Variants in GPHN observed in about 807,000 individuals in gnomAD.
GPHN encodes the protein gephyrin.
In GPHN, 17 loss-of-function variants were observed where a neutral mutation model predicts 95.5. That is an observed-to-expected ratio of 0.18 (90% confidence interval 0.12 to 0.27). The LOEUF (loss-of-function observed/expected upper bound fraction) is 0.27, where lower values mean the gene tolerates loss of function less well. GPHN is among the 10% of genes least tolerant of loss of function. The pLI is 1.00. For missense variants in GPHN, 660 were observed against 978.1 expected (o/e 0.67, Z 4.34); for synonymous variants, 320 against 322.5 (o/e 0.99, Z 0.08).
chr14:67,373,375 G>T, the GPHN span, among the ~76,000 whole-genome samples: 1 of 152,106 alleles, frequency 6.6e-6, no homozygotes, highest in Non-Finnish European at 1.5e-5. Flanking sequence ...AATAAAATCA[G>T]TGTATATGAA....
chr14:67,069,480 C>G (rs2153655941), intron 11 of GPHN, among the ~76,000 whole-genome samples: 1 of 152,326 alleles, frequency 6.6e-6, no homozygotes, highest in East Asian at 1.9e-4. Flanking sequence ...GAGACGGGAA[C>G]ATGTGCCTAT....
the GPHN span, among the ~76,000 whole-genome samples, chr14:67,531,744 AT>A: frequency 0.092 from 12,093 of 131,032 alleles, 445 homozygotes; most frequent in Middle Eastern, 0.13. Flanking sequence ...AAAAAAAAAA[AT>A]TTTTTTTTTT....
chr14:66,926,878 C>T (rs183622727), intron 8 of GPHN, among the ~76,000 whole-genome samples: 5 of 152,240 alleles, frequency 3.3e-5, no homozygotes, highest in East Asian at 3.9e-4. Context: ...TCCATGAATA[C>T]GGAATGTCTT....
the GPHN span, among the ~76,000 whole-genome samples, chr14:67,625,521 CA>C: frequency 1.4e-4 from 21 of 149,962 alleles, no homozygotes; most frequent in African/African-American, 3.2e-4. Context: ...ACTAAAAATA[CA>C]AAAAAAAATT....
chr14:67,691,296 T>C, the GPHN span: 1 of 1,290,344 alleles, frequency 7.7e-7, no homozygotes, highest in Non-Finnish European at 1.1e-6. Flanking sequence ...GGCTATTACA[T>C]CTTAGAAAGC....
the GPHN span, among the ~76,000 whole-genome samples, chr14:67,261,813 C>A: frequency 6.6e-6 from 1 of 151,970 alleles, no homozygotes; most frequent in Non-Finnish European, 1.5e-5. Context: ...TTACCACAAT[C>A]AGGTACTAAA....
intron 1 of GPHN, among the ~76,000 whole-genome samples, chr14:66,625,082 TTTC>T (rs933896471): frequency 5.3e-5 from 8 of 152,242 alleles, no homozygotes; most frequent in African/African-American, 1.2e-4. Flanking sequence ...TGTCTTTTTT[TTTC>T]TTCTTCTTCT....
At chr14:67,624,934 C>T in the GPHN span, among the ~76,000 whole-genome samples, 6 of 152,142 alleles carry the variant, frequency 3.9e-5, no homozygotes, top group Non-Finnish European at 5.9e-5. Context: ...CCTGGACAAC[C>T]GATAGCCTGC....
the GPHN span, chr14:67,208,081 C>T: frequency 1.4e-6 from 2 of 1,395,206 alleles, no homozygotes; most frequent in African/African-American, 2.9e-5. Context: ...CTCCTTACTA[C>T]TCCTCACGGG....
the GPHN span, chr14:67,390,609 G>T: frequency 8.2e-7 from 1 of 1,218,802 alleles, no homozygotes; most frequent in African/African-American, 1.5e-5. Context: ...CAGGAGAGGA[G>T]TGTCTGGGGG....
the GPHN span, among the ~76,000 whole-genome samples, chr14:67,416,108 C>A: frequency 2.0e-5 from 3 of 152,210 alleles, no homozygotes; most frequent in African/African-American, 4.8e-5. Context: ...CCTGCACATC[C>A]CGCACATGTA....
the GPHN span, chr14:67,662,991 C>T: frequency 7.2e-6 from 10 of 1,392,692 alleles, 1 homozygote; most frequent in South Asian, 3.5e-5. Context: ...TATGTTAACT[C>T]GTACACTACT....
At chr14:67,596,458 A>G in the GPHN span, among the ~76,000 whole-genome samples, 5 of 151,676 alleles carry the variant, frequency 3.3e-5, no homozygotes, top group African/African-American at 1.2e-4. Context: ...GATTTAGAAG[A>G]CTGGCACAGG....
At chr14:67,165,114 A>G in intron 19 of GPHN, 48 bp from the exon 20 acceptor site, 1 of 1,265,948 alleles carries the variant, frequency 7.9e-7, no homozygotes, top group Non-Finnish European at 1.2e-6. Context: ...TAATGTATTC[A>G]TCATATTGCT....
At chr14:67,112,481 C>T (rs987526855) in intron 15 of GPHN, among the ~76,000 whole-genome samples, 1 of 152,192 alleles carries the variant, frequency 6.6e-6, no homozygotes, top group African/African-American at 2.4e-5. Context: ...CTTCTCCCAT[C>T]CCTATGGCAG....
At chr14:66,971,081 C>T (rs1017826464) in intron 9 of GPHN, among the ~76,000 whole-genome samples, 16 of 152,194 alleles carry the variant, frequency 1.1e-4, no homozygotes, top group African/African-American at 3.9e-4. Flanking sequence ...GTAATCCCAT[C>T]ACTTTGGGAG....
the GPHN span, among the ~76,000 whole-genome samples, chr14:67,482,861 C>G: frequency 1.2e-4 from 19 of 152,176 alleles, no homozygotes; most frequent in Non-Finnish European, 1.9e-4. Context: ...TACTGCAGGC[C>G]TTGATGAAGT....
chr14:66,519,424 C>G (rs539562801), intron 1 of GPHN, among the ~76,000 whole-genome samples: 6 of 152,188 alleles, frequency 3.9e-5, no homozygotes, highest in South Asian at 2.1e-4. Flanking sequence ...CTGGCCCTAA[C>G]TAACCAGTGT....
intron 13 of GPHN, 22 bp downstream of exon 13, chr14:67,100,933 G>T: frequency 6.9e-7 from 1 of 1,443,416 alleles, no homozygotes; most frequent in Non-Finnish European, 9.8e-7. Flanking sequence ...AGGCCTGAAA[G>T]GCACTGAAGA....
Sources: gnomAD v4.1 joint callset for allele counts (sites outside exome capture counted in the v4.1 genomes callset) on GRCh38, gnomAD v4.1.1 for gene constraint, MANE v1.5 for transcripts, NCBI Gene and HGNC (gene_info 2026-07-23, HGNC 2026-07-21) for gene names.